NAV3: variants seen among roughly 807,000 people sequenced by gnomAD.
NAV3 encodes neuron navigator 3.
In NAV3, 87 loss-of-function variants were observed where a neutral mutation model predicts 244.7. The ratio of observed to expected loss-of-function variants is 0.36; its 90% CI spans 0.30 to 0.42. The LOEUF (loss-of-function observed/expected upper bound fraction) is 0.42, where lower values mean the gene tolerates loss of function less well. Among genes scored for constraint, NAV3 ranks in the 20% least tolerant of loss-of-function variants. The pLI is 1.00. For synonymous variants in NAV3, 1,126 were observed against 1,042.2 expected (o/e 1.08, Z -1.55); for missense variants, 2,663 against 2,893.3 (o/e 0.92, Z 1.83).
At chr12:77,982,106 A>G (rs1869673818) in intron 5 of NAV3, among the ~76,000 whole-genome samples, 1 of 152,202 alleles carries the variant, frequency 6.6e-6, no homozygotes, top group African/African-American at 2.4e-5. Context: ...TTATTCAACT[A>G]CTTTTATATC....
Position 77,894,376 on chromosome 12 carries a change from A to C in NAV3, c.244-45943A>C, listed in dbSNP as rs1884318798. ...CTTGGTCAAAGTGATATTTCATGTT[A>C]ATATAAACATTTTAATAATTTAGAT... is the stretch of plus-strand genomic sequence containing the variant. On this transcript the variant is annotated intron_variant, in intron 1 of 39. Transcript: ENST00000397909. Among the ~76,000 whole-genome samples the C allele has an allele frequency of 2.6e-5, 4 of 152,226 alleles. No homozygotes were observed. The South Asian group carries it at 8.3e-4, about 32-fold the overall frequency.
At chr12:77,664,637 A>G (rs915730428) in intron 2 of NAV3, among the ~76,000 whole-genome samples, 4 of 152,164 alleles carry the variant, frequency 2.6e-5, no homozygotes, top group African/African-American at 9.7e-5. Flanking sequence ...ATTCTGTTGA[A>G]CTTCAAAAGT....
chr12:78,070,668 C>T (rs1400190539), intron 12 of NAV3, among the ~76,000 whole-genome samples: 2 of 150,876 alleles, frequency 1.3e-5, no homozygotes, highest in African/African-American at 2.4e-5. Flanking sequence ...AGTCATCTAG[C>T]ATTAGGTATA....
At chr12:78,000,635 C>CT (rs1873102804) in intron 7 of NAV3, among the ~76,000 whole-genome samples, 2 of 141,690 alleles carry the variant, frequency 1.4e-5, no homozygotes, top group Non-Finnish European at 3.0e-5. Flanking sequence ...TCCCGAGTAG[C>CT]TGGGACTACA....
At chr12:78,200,624 T>A (rs577951737) in intron 38 of NAV3, 33 bp downstream of exon 38, 31,906 of 1,177,226 alleles carry the variant, frequency 0.027, 505 homozygotes, top group African/African-American at 0.11. Flanking sequence ...CTATTTTTTT[T>A]TAAAAAAAAA....
At chr12:78,171,716 G>A (rs539901616) in intron 24 of NAV3, among the ~76,000 whole-genome samples, 1 of 151,412 alleles carries the variant, frequency 6.6e-6, no homozygotes, top group East Asian at 1.9e-4. Context: ...GGGTTATTAA[G>A]GTAATTGTAT....
chr12:78,143,626 G>GAAA (rs71088361), intron 20 of NAV3, among the ~76,000 whole-genome samples: 2 of 75,954 alleles, frequency 2.6e-5, no homozygotes, highest in African/African-American at 4.6e-5. Flanking sequence ...CACTGTCTCA[G>GAAA]AAAAAAAAAA....
At chr12:78,078,024 TGAGG>T (rs1311021323) in intron 12 of NAV3, among the ~76,000 whole-genome samples, 1 of 152,020 alleles carries the variant, frequency 6.6e-6, no homozygotes, top group Non-Finnish European at 1.5e-5. Flanking sequence ...TGTTTTCTCT[TGAGG>T]GCCACGAGTG....
intron 24 of NAV3, among the ~76,000 whole-genome samples, chr12:78,172,160 A>G (rs1277452363): frequency 1.3e-5 from 2 of 151,668 alleles, no homozygotes; most frequent in Admixed American, 1.3e-4. Flanking sequence ...TTCAAAATGT[A>G]CCATTGCTTT....
intron 2 of NAV3, among the ~76,000 whole-genome samples, chr12:77,586,744 A>G (rs906363225): frequency 5.9e-5 from 9 of 152,242 alleles, no homozygotes; most frequent in African/African-American, 1.9e-4. Flanking sequence ...TAAATTAAAA[A>G]TTCAGTTCTT....
chr12:77,865,643 C>T (rs185401583), intron 1 of NAV3, among the ~76,000 whole-genome samples: 4 of 152,052 alleles, frequency 2.6e-5, no homozygotes, highest in East Asian at 3.9e-4. Flanking sequence ...GGTATTTAGA[C>T]GTTCTAACAT....
At chr12:77,951,923 C>A (rs1212125489) in intron 3 of NAV3, among the ~76,000 whole-genome samples, 1 of 151,718 alleles carries the variant, frequency 6.6e-6, no homozygotes, top group African/African-American at 2.4e-5. Flanking sequence ...TGTCGTGGGG[C>A]AGGGGGAGAG....
chr12:78,145,181 A>T (rs920349913), intron 20 of NAV3: 1 of 170,480 alleles, frequency 5.9e-6, no homozygotes, highest in African/African-American at 2.4e-5. Context: ...TAAATTATTC[A>T]AGAGTGCTTT....
chr12:77,919,135 A>G (rs1350906984), intron 1 of NAV3, among the ~76,000 whole-genome samples: 1 of 152,098 alleles, frequency 6.6e-6, no homozygotes, highest in Non-Finnish European at 1.5e-5. Context: ...TGGAGTGGGT[A>G]TGGATATCAC....
chr12:77,644,891 G>C (rs760836771), intron 2 of NAV3, among the ~76,000 whole-genome samples: 10 of 152,032 alleles, frequency 6.6e-5, no homozygotes, highest in Non-Finnish European at 1.2e-4. Context: ...TTAAGTCAAA[G>C]GCATACCTGA....
intron 1 of NAV3, among the ~76,000 whole-genome samples, chr12:77,874,979 T>A (rs1337014705): frequency 6.6e-6 from 1 of 152,172 alleles, no homozygotes; most frequent in African/African-American, 2.4e-5. Flanking sequence ...TATTTCATTG[T>A]AGGAAGAATG....
chr12:77,927,295 GGAGACTT>G (rs1357986754), intron 1 of NAV3, among the ~76,000 whole-genome samples: 16 of 152,180 alleles, frequency 1.1e-4, no homozygotes, highest in Non-Finnish European at 1.5e-5. Context: ...GTCAAATAAA[GGAGACTT>G]TTCTCCATAT....
intron 2 of NAV3, among the ~76,000 whole-genome samples, chr12:77,710,956 CT>C (rs1390398294): frequency 6.6e-6 from 1 of 152,094 alleles, no homozygotes; most frequent in East Asian, 1.9e-4. Context: ...TTGGTCAGAA[CT>C]TTTGTACCAT....
At chr12:77,895,309 TTGTGTGTGTGTG>T (rs71440496) in intron 1 of NAV3, among the ~76,000 whole-genome samples, 1 of 148,468 alleles carries the variant, frequency 6.7e-6, no homozygotes, top group Admixed American at 6.7e-5. Context: ...TTTAGAATGA[TTGTGTGTGTGTG>T]TGTGTGTGTG....
Sources: gnomAD v4.1 joint callset for allele counts (sites outside exome capture counted in the v4.1 genomes callset) on GRCh38, gnomAD v4.1.1 for gene constraint, MANE v1.5 for transcripts, NCBI Gene and HGNC (gene_info 2026-07-23, HGNC 2026-07-21) for gene names.